The following MACC1 variants were observed in gnomAD, a reference collection of about 807,000 sequenced individuals.
MACC1 encodes MET transcriptional regulator MACC1.
Under a neutral mutation model 70.7 loss-of-function variants are expected in MACC1, and 79 were observed. The ratio of observed to expected loss-of-function variants is 1.12; its 90% CI spans 0.93 to 1.35. The LOEUF is 1.35. Ranked by LOEUF, MACC1 falls within the 40% of genes most tolerant of loss-of-function variation. MACC1 has a pLI of 0.00. For missense variants in MACC1, 1,106 were observed against 978.1 expected (o/e 1.13, Z -1.74); for synonymous variants, 361 against 347.2 (o/e 1.04, Z -0.44).
chr7:20,194,744 A>C (rs376906177), intron 1 of MACC1, among the ~76,000 whole-genome samples: 23 of 152,248 alleles, frequency 1.5e-4, no homozygotes, highest in African/African-American at 5.1e-4. Context: ...AGTTTCCATT[A>C]AAAGCCATCT....
intron 2 of MACC1, 130 bp from the exon 3 acceptor site, chr7:20,164,529 A>G (rs1365643929): frequency 6.6e-6 from 1 of 152,156 alleles, no homozygotes; most frequent in East Asian, 1.9e-4. Context: ...AAATTGTCTC[A>G]TAAGGTGGCA....
chr7:20,147,145 C>T (rs372020903), intron 6 of MACC1, among the ~76,000 whole-genome samples: 3 of 151,962 alleles, frequency 2.0e-5, no homozygotes, highest in African/African-American at 7.2e-5. Flanking sequence ...AAGTGGGATG[C>T]CAAAAGAAAT....
chr7:20,174,249 T>A (rs1266264353), intron 1 of MACC1, among the ~76,000 whole-genome samples: 1 of 152,180 alleles, frequency 6.6e-6, no homozygotes, highest in Non-Finnish European at 1.5e-5. Flanking sequence ...TGACAGCTCA[T>A]CTGTAAGAAT....
chr7:20,138,257 C>G lies in MACC1; in HGVS notation c.*2689G>C, dbSNP rs892491973. On this transcript the variant is annotated 3_prime_UTR_variant, in exon 7 of 7. Coordinates refer to ENST00000400331, the MANE Select transcript of MACC1 (RefSeq NM_182762.4). ...TTAATATTAGAACCATTGTTTCATC[C>G]TCAAATTACAGAGATCTTGTTTTTC... 2 of 150,836 alleles carry G rather than the reference C, an allele frequency of 1.3e-5. No individual in the cohort carries two copies. Among genetic ancestry groups the G allele is most frequent in the Non-Finnish European group, 2.9e-5 (2 of 67,834 alleles). The allele number at this position is 150,836 out of a possible 1,614,324, so 9.3% of individuals were successfully genotyped here. A position where few individuals can be genotyped will look rare whatever the true frequency, so the allele number is the denominator to read the frequency against.
intron 1 of MACC1, among the ~76,000 whole-genome samples, chr7:20,212,997 G>A (rs905028622): frequency 6.6e-6 from 1 of 152,126 alleles, no homozygotes; most frequent in African/African-American, 2.4e-5. Context: ...TCATGTTTTC[G>A]TAGAGCAGCT....
In MACC1 at chr7:20,158,585, G is replaced by A. The variant is rs1402895358; in HGVS notation, c.1776C>T (p.Ser592=). The change falls in exon 5 of 7, where the codon TCC becomes TCT. Residue 592 remains serine, a synonymous_variant. Coordinates refer to ENST00000400331, the MANE Select transcript of MACC1 (RefSeq NM_182762.4). ...CTCCTACATACCATTCTTTCACTTT[G>A]GACTGACCAATAGCTTTTACCTTAC... ...GEGKVKAIGQ[S]KVKEWYVGVL... 2.5e-6 allele frequency: 4 copies of A among 1,613,866 alleles called. No individual in the cohort carries two copies. The highest frequency in any genetic ancestry group is 1.6e-4 in the Middle Eastern group (1 of 6,062).
intron 1 of MACC1, among the ~76,000 whole-genome samples, chr7:20,190,955 A>G (rs1782663893): frequency 6.6e-6 from 1 of 152,252 alleles, no homozygotes. Context: ...TATTAAAAAC[A>G]CAGAAACAAA....
chr7:20,158,614 C>T lies in MACC1; in HGVS notation c.1747G>A (p.Glu583Lys). ...FKGDTIALLG[E>K]GKVKAIGQSK... The stretch of plus-strand genomic sequence containing the variant: ...TGACCAATAGCTTTTACCTTACCTT[C>T]CCCGAGGAGAGCTATTGTGTCCCCT... The change falls in exon 5 of 7, where the codon GAA becomes AAA. Residue 583 changes from glutamate (E) to lysine (K), a missense_variant. Coordinates refer to ENST00000400331, the MANE Select transcript of MACC1 (RefSeq NM_182762.4). 2 of 1,614,034 alleles carry T rather than the reference C, an allele frequency of 1.2e-6. No individual in the cohort carries two copies. The highest frequency in any genetic ancestry group is 8.5e-7 in the Non-Finnish European group (1 of 1,179,954).
intron 1 of MACC1, among the ~76,000 whole-genome samples, chr7:20,211,347 T>G (rs1240827602): frequency 6.6e-6 from 1 of 152,072 alleles, no homozygotes; most frequent in Non-Finnish European, 1.5e-5. Context: ...ATCAATATTA[T>G]CATTATCATT....
intron 6 of MACC1, chr7:20,147,335 A>G (rs957343941): frequency 6.6e-6 from 1 of 152,222 alleles, no homozygotes; most frequent in African/African-American, 2.4e-5. Flanking sequence ...GAATAGCATA[A>G]AGAATGCAAT....
rs773277257 is a variant in MACC1, at chr7:20,161,760, A to C, written c.103T>G (p.Cys35Gly). ...DMEAGKLSKSCNITECQDPDL... is the reference protein window; with the variant it reads ...DMEAGKLSKSGNITECQDPDL... Reference sequence around the variant, plus strand: ...TAAATTCCCATACCTGTAATATTGCAACTTTTTGAGAGTTTTCCAGCTTCC... The same window carrying C: ...TAAATTCCCATACCTGTAATATTGCCACTTTTTGAGAGTTTTCCAGCTTCC... The change falls in exon 4 of 7, where the codon TGC becomes GGC. Residue 35 changes from cysteine (C) to glycine (G), a missense_variant. Physicochemically the swap from Cys to Gly is radical, Grantham distance 159 (BLOSUM62 -3). Transcript: ENST00000400331. The C allele has an allele frequency of 1.2e-6, 2 of 1,608,472 alleles. No individual in the cohort carries two copies. Among genetic ancestry groups the C allele is most frequent in the Non-Finnish European group, 1.7e-6 (2 of 1,175,494 alleles).
chr7:20,169,098 T>G (rs902935066), intron 2 of MACC1, among the ~76,000 whole-genome samples: 1 of 152,192 alleles, frequency 6.6e-6, no homozygotes, highest in Non-Finnish European at 1.5e-5. Flanking sequence ...ATTTCCAACT[T>G]TCAAGGCCAC....
At chr7:20,171,426 T>A (rs1045849231) in intron 1 of MACC1, among the ~76,000 whole-genome samples, 2 of 149,170 alleles carry the variant, frequency 1.3e-5, no homozygotes, top group African/African-American at 5.0e-5. Context: ...TAATTTTTTT[T>A]TATATTTTTA....
chr7:20,184,175 T>C (rs1240325209), intron 1 of MACC1, among the ~76,000 whole-genome samples: 6 of 152,234 alleles, frequency 3.9e-5, no homozygotes, highest in Non-Finnish European at 8.8e-5. Flanking sequence ...TTTTTTTACA[T>C]GGTTGAATTA....
chr7:20,216,311 A>G (rs1407658027), intron 1 of MACC1, among the ~76,000 whole-genome samples: 1 of 152,180 alleles, frequency 6.6e-6, no homozygotes, highest in Non-Finnish European at 1.5e-5. Context: ...GATCTTAAAA[A>G]TAAATTTTTT....
At chr7:20,183,794 C>T (rs978188777) in intron 1 of MACC1, among the ~76,000 whole-genome samples, 1 of 151,194 alleles carries the variant, frequency 6.6e-6, no homozygotes, top group Non-Finnish European at 1.5e-5. Context: ...CTGCAGCCTC[C>T]GTTCCCGGGT....
chr7:20,156,189 G>T (rs367658564), intron 5 of MACC1, among the ~76,000 whole-genome samples: 98 of 152,160 alleles, frequency 6.4e-4, no homozygotes, highest in African/African-American at 2.1e-3. Context: ...TACAATCCTA[G>T]AAAAATGTAT....
chr7:20,172,731 C>A (rs1429973069), intron 1 of MACC1, among the ~76,000 whole-genome samples: 1 of 152,154 alleles, frequency 6.6e-6, no homozygotes, highest in African/African-American at 2.4e-5. Context: ...ACTTAACCGC[C>A]CAAAGTGACA....
intron 1 of MACC1, among the ~76,000 whole-genome samples, chr7:20,211,798 A>G (rs1783000638): frequency 6.6e-6 from 1 of 152,206 alleles, no homozygotes; most frequent in African/African-American, 2.4e-5. Flanking sequence ...TTTGGACACA[A>G]ATAGGAATGT....
Sources: gnomAD v4.1 joint callset for allele counts (sites outside exome capture counted in the v4.1 genomes callset) on GRCh38, gnomAD v4.1.1 for gene constraint, MANE v1.5 for transcripts, NCBI Gene and HGNC (gene_info 2026-07-23, HGNC 2026-07-21) for gene names.